CYP2C19: variants seen among roughly 807,000 people sequenced by gnomAD.
CYP2C19 encodes cytochrome P450 family 2 subfamily C member 19.
Under a neutral mutation model 40.9 loss-of-function variants are expected in CYP2C19, and 59 were observed. The observed-to-expected ratio is 1.44, with a 90% CI of 1.17 to 1.79. The LOEUF is 1.79. CYP2C19 is among the 40% of genes most tolerant of loss of function. The pLI, the probability that CYP2C19 is intolerant of heterozygous loss-of-function variation, is 0.00. For synonymous variants in CYP2C19, 253 were observed against 208.7 expected (o/e 1.21, Z -1.83); for missense variants, 754 against 596.9 (o/e 1.26, Z -2.74).
chr10:94,764,616 G>T (rs1161191346), intron 1 of CYP2C19, among the ~76,000 whole-genome samples: 1 of 152,104 alleles, frequency 6.6e-6, no homozygotes, highest in Non-Finnish European at 1.5e-5. Context: ...TGAAGAAGGG[G>T]TCCTGCAGTT....
intron 5 of CYP2C19, among the ~76,000 whole-genome samples, chr10:94,816,441 A>G (rs1358206875): frequency 6.6e-6 from 1 of 152,124 alleles, no homozygotes; most frequent in Non-Finnish European, 1.5e-5. Flanking sequence ...ATAAGTGGTA[A>G]CAGATTAACA....
At chr10:94,851,601 GT>G (rs1849655074) in intron 8 of CYP2C19, among the ~76,000 whole-genome samples, 2 of 152,112 alleles carry the variant, frequency 1.3e-5, no homozygotes, top group Admixed American at 1.3e-4. Flanking sequence ...ATTTCTCACA[GT>G]TCTGAAGGCT....
rs34415420 is a variant in CYP2C19 at position 94,853,547 on chromosome 10, C to CTTTTTT, written c.*644_*649dup. Among the ~76,000 whole-genome samples the CTTTTTT allele has an allele frequency of 1.4e-5, 2 of 139,186 alleles. No individual in the cohort carries two copies. Among genetic ancestry groups the CTTTTTT allele is most frequent in the African/African-American group, 5.3e-5 (2 of 37,590 alleles). 91.3% of individuals were successfully genotyped at this position (139,186 alleles called of 152,430 possible). A position where few individuals can be genotyped will look rare whatever the true frequency, so the allele number is the denominator to read the frequency against. On this transcript the variant is annotated 3_prime_UTR_variant, in exon 9 of 9. Coordinates refer to ENST00000371321, the MANE Select transcript of CYP2C19 (RefSeq NM_000769.4). The stretch of plus-strand genomic sequence containing the variant: ...TATTAAATGTTCCACATTGGTGTTC[C>CTTTTTT]TTTTTTTTTTTTTTTTGAGACAATG...
chr10:94,831,755 A>AT (rs899044842), intron 6 of CYP2C19, among the ~76,000 whole-genome samples: 18 of 151,898 alleles, frequency 1.2e-4, no homozygotes, highest in African/African-American at 4.4e-4. Context: ...TGATTATTAG[A>AT]TTTTTTTCTA....
chr10:94,842,764 T>G (rs1849514882), intron 6 of CYP2C19, 73 bp from the exon 7 acceptor site: 10 of 1,457,668 alleles, frequency 6.9e-6, no homozygotes, highest in Admixed American at 1.7e-5. Context: ...TCATGATTCA[T>G]GTACCCCTGA....
Position 94,853,647 on chromosome 10 carries a change from G to A in CYP2C19, c.*733G>A, listed in dbSNP as rs1467383160. 2.0e-5 allele frequency among the ~76,000 whole-genome samples: 3 copies of A among 149,898 alleles called. No individual in the cohort carries two copies. Among genetic ancestry groups the A allele is most frequent in the South Asian group, 2.1e-4 (1 of 4,706 alleles). Reference sequence around the variant, plus strand: ...TGTAACCTTCGCCTCCCAGGCTCAAGAGATTCTCCTGCCTCAGCCTCCTGA... The same window carrying A: ...TGTAACCTTCGCCTCCCAGGCTCAAAAGATTCTCCTGCCTCAGCCTCCTGA... On this transcript the variant is annotated 3_prime_UTR_variant, in exon 9 of 9. Coordinates refer to ENST00000371321, the MANE Select transcript of CYP2C19 (RefSeq NM_000769.4).
At chr10:94,843,654 T>C (rs900793209) in intron 7 of CYP2C19, among the ~76,000 whole-genome samples, 1 of 152,230 alleles carries the variant, frequency 6.6e-6, no homozygotes, top group Admixed American at 6.5e-5. Context: ...CTATTCATAA[T>C]TTATCTCTAG....
chr10:94,780,102 A>G (rs1399699971), intron 3 of CYP2C19, among the ~76,000 whole-genome samples: 1 of 152,122 alleles, frequency 6.6e-6, no homozygotes, highest in Non-Finnish European at 1.5e-5. Context: ...TTGTAATATA[A>G]AAAGCTTTGA....
chr10:94,827,382 T>C (rs2134274441), intron 6 of CYP2C19, among the ~76,000 whole-genome samples: 1 of 152,050 alleles, frequency 6.6e-6, no homozygotes, highest in Non-Finnish European at 1.5e-5. Context: ...CTTCCTGGTT[T>C]AGTCTTGGGA....
chr10:94,809,914 C>T (rs1848888930), intron 5 of CYP2C19, among the ~76,000 whole-genome samples: 2 of 152,048 alleles, frequency 1.3e-5, no homozygotes, highest in African/African-American at 4.8e-5. Flanking sequence ...CAGAGTCTTG[C>T]CCTGTCACCC....
intron 1 of CYP2C19, among the ~76,000 whole-genome samples, chr10:94,770,088 G>A (rs1457081101): frequency 6.6e-6 from 1 of 152,116 alleles, no homozygotes; most frequent in African/African-American, 2.4e-5. Flanking sequence ...GATTAACACT[G>A]AGAAGGCCAC....
chr10:94,820,086 A>C (rs1342190914), intron 5 of CYP2C19, among the ~76,000 whole-genome samples: 3 of 151,390 alleles, frequency 2.0e-5, no homozygotes, highest in Non-Finnish European at 4.4e-5. Context: ...CTGGTTCAAT[A>C]TATGCAAATC....
At chr10:94,780,327 A>C (rs538543524) in intron 3 of CYP2C19, among the ~76,000 whole-genome samples, 172 bp from the exon 4 acceptor site, 2 of 152,326 alleles carry the variant, frequency 1.3e-5, no homozygotes, top group East Asian at 3.9e-4. Flanking sequence ...ATTCGAGATT[A>C]ATGTAAAAGT....
chr10:94,851,007 C>G (rs1171657963), intron 8 of CYP2C19, among the ~76,000 whole-genome samples: 2 of 152,076 alleles, frequency 1.3e-5, no homozygotes, highest in African/African-American at 4.8e-5. Flanking sequence ...ACTGTAGATA[C>G]CAAGATAACA....
At chr10:94,806,843 G>A (rs993613169) in intron 5 of CYP2C19, among the ~76,000 whole-genome samples, 58 of 151,654 alleles carry the variant, frequency 3.8e-4, no homozygotes, top group African/African-American at 1.3e-3. Flanking sequence ...TAATGATCAA[G>A]CAGGATGATT....
At chr10:94,821,543 T>C (rs960831625) in intron 6 of CYP2C19, among the ~76,000 whole-genome samples, 1 of 152,226 alleles carries the variant, frequency 6.6e-6, no homozygotes, top group African/African-American at 2.4e-5. Flanking sequence ...GCAGAAGATG[T>C]ACCTGAGACA....
chr10:94,777,472 G>T (rs1848423571), intron 3 of CYP2C19, among the ~76,000 whole-genome samples: 1 of 152,036 alleles, frequency 6.6e-6, no homozygotes, highest in Admixed American at 6.5e-5. Flanking sequence ...CAATGGAACA[G>T]AACAGAGACC....
chr10:94,838,026 C>G (rs1446772012), intron 6 of CYP2C19, among the ~76,000 whole-genome samples: 1 of 152,138 alleles, frequency 6.6e-6, no homozygotes, highest in Non-Finnish European at 1.5e-5. Context: ...CCAGAGCCTC[C>G]AATGTCCACT....
chr10:94,823,000 G>T (rs74152372), intron 6 of CYP2C19, among the ~76,000 whole-genome samples: 1 of 151,862 alleles, frequency 6.6e-6, no homozygotes, highest in Non-Finnish European at 1.5e-5. Context: ...TTTAAGCTAT[G>T]TAGAGTACAG....
Sources: gnomAD v4.1 joint callset for allele counts (sites outside exome capture counted in the v4.1 genomes callset) on GRCh38, gnomAD v4.1.1 for gene constraint, MANE v1.5 for transcripts, NCBI Gene and HGNC (gene_info 2026-07-23, HGNC 2026-07-21) for gene names.